CPQ: variants seen among roughly 807,000 people sequenced by gnomAD.
CPQ encodes the protein carboxypeptidase Q.
Under a neutral mutation model 45.7 loss-of-function variants are expected in CPQ, and 37 were observed. That is an observed-to-expected ratio of 0.81 (90% CI 0.62 to 1.07). The LOEUF is 1.07. Among genes scored for constraint, CPQ ranks in the 50% least tolerant of loss-of-function variants. The probability of loss-of-function intolerance (pLI) is 0.00; values close to 1 mark genes in which losing one functional copy is unlikely to be tolerated. For missense variants in CPQ, 537 were observed against 572.9 expected (o/e 0.94, Z 0.64); for synonymous variants, 186 against 205.8 (o/e 0.90, Z 0.82).
At chr8:96,684,340 G>C (rs910645447) in intron 1 of CPQ, among the ~76,000 whole-genome samples, 2 of 152,232 alleles carry the variant, frequency 1.3e-5, no homozygotes, top group Non-Finnish European at 2.9e-5. Flanking sequence ...CAGTGGCTTA[G>C]ACTGCAGTTG....
At chr8:96,747,968 A>C (rs1409369402) in intron 1 of CPQ, among the ~76,000 whole-genome samples, 1 of 152,226 alleles carries the variant, frequency 6.6e-6, no homozygotes, top group Non-Finnish European at 1.5e-5. Flanking sequence ...ACAGACAGCA[A>C]TTACGGATTT....
At chr8:96,753,412 C>G (rs1282268360) in intron 1 of CPQ, among the ~76,000 whole-genome samples, 3 of 152,184 alleles carry the variant, frequency 2.0e-5, no homozygotes, top group African/African-American at 7.2e-5. Context: ...CAATGCTTGA[C>G]ATTATATCAA....
Position 97,023,261 on chromosome 8 carries a change from G to A in CPQ, c.962-6142G>A, listed in dbSNP as rs1809741970. 2.0e-5 allele frequency among the ~76,000 whole-genome samples: 3 copies of A among 151,842 alleles called. 1 individual carries two copies. The South Asian group carries it at 6.2e-4, about 32-fold the overall frequency. The stretch of plus-strand genomic sequence containing the variant: ...ACATTGTATGTTCTCACTCATATGT[G>A]GGAGCCAAGCTATGAGGATGCAAAG... On this transcript the variant is annotated intron_variant, in intron 5 of 7. Coordinates refer to ENST00000220763, the MANE Select transcript of CPQ (RefSeq NM_016134.4).
chr8:96,752,756 C>T (rs114739801), intron 1 of CPQ, among the ~76,000 whole-genome samples: 1,699 of 152,142 alleles, frequency 0.011, 40 homozygotes, highest in African/African-American at 0.037. Context: ...GTGATATTGC[C>T]TGTGGGTTTG....
At chr8:96,761,562 G>C (rs894879053) in intron 1 of CPQ, 1 of 152,216 alleles carries the variant, frequency 6.6e-6, no homozygotes, top group African/African-American at 2.4e-5. Context: ...CTTACTGAGA[G>C]AGGTGGACTA....
intron 5 of CPQ, among the ~76,000 whole-genome samples, chr8:97,028,830 T>C (rs1809845740): frequency 6.6e-6 from 1 of 152,198 alleles, no homozygotes; most frequent in African/African-American, 2.4e-5. Context: ...TCATTGACCT[T>C]AAGGAAATGA....
chr8:97,021,725 A>T lies in CPQ; in HGVS notation c.962-7678A>T, dbSNP rs1197257192. ...AAGAAATCATAGACAACGCAAACAA[A>T]TGGAAACACATCCCATGCTTGTGAA... On this transcript the variant is annotated intron_variant, in intron 5 of 7. Coordinates refer to ENST00000220763, the MANE Select transcript of CPQ (RefSeq NM_016134.4). Among the ~76,000 whole-genome samples the T allele has an allele frequency of 3.3e-5, 5 of 152,248 alleles. No individual in the cohort carries two copies. The East Asian group carries it at 9.6e-4, about 29-fold the overall frequency.
At chr8:96,770,247 A>G (rs554363454) in intron 1 of CPQ, among the ~76,000 whole-genome samples, 1 of 152,170 alleles carries the variant, frequency 6.6e-6, no homozygotes, top group South Asian at 2.1e-4. Context: ...TCACCTCCAC[A>G]CTTTCTCATC....
At chr8:97,040,296 T>C (rs1218672894) in intron 6 of CPQ, among the ~76,000 whole-genome samples, 6 of 152,238 alleles carry the variant, frequency 3.9e-5, no homozygotes, top group African/African-American at 1.4e-4. Context: ...GAGAAGTGTC[T>C]GTTCATGTCC....
intron 2 of CPQ, among the ~76,000 whole-genome samples, chr8:96,814,254 C>A (rs946128219): frequency 6.6e-6 from 1 of 151,984 alleles, no homozygotes; most frequent in Non-Finnish European, 1.5e-5. Context: ...CAATGGAATA[C>A]AAAATCACAG....
intron 5 of CPQ, among the ~76,000 whole-genome samples, chr8:97,023,368 G>C (rs1453675800): frequency 6.6e-6 from 1 of 151,962 alleles, no homozygotes; most frequent in African/African-American, 2.4e-5. Flanking sequence ...CACAAATTGG[G>C]TGCAGTGTAT....
At chr8:96,860,101 T>C (rs568194518) in intron 3 of CPQ, among the ~76,000 whole-genome samples, 1 of 152,244 alleles carries the variant, frequency 6.6e-6, no homozygotes, top group Admixed American at 6.5e-5. Flanking sequence ...TGAACTCTTT[T>C]AGAGACTCTG....
At chr8:96,982,168 AGTGGTT>A (rs1313977715) in intron 5 of CPQ, among the ~76,000 whole-genome samples, 3 of 152,236 alleles carry the variant, frequency 2.0e-5, no homozygotes, top group African/African-American at 7.2e-5. Flanking sequence ...CAATGTTCAT[AGTGGTT>A]GTGATAAGGA....
intron 1 of CPQ, among the ~76,000 whole-genome samples, chr8:96,667,012 GT>G (rs1808933441): frequency 6.6e-6 from 1 of 151,946 alleles, no homozygotes; most frequent in South Asian, 2.1e-4. Context: ...CATATTAGCT[GT>G]TGCCTTTCTA....
intron 7 of CPQ, among the ~76,000 whole-genome samples, chr8:97,078,190 C>T (rs757089892): frequency 2.6e-4 from 40 of 152,166 alleles, no homozygotes; most frequent in Non-Finnish European, 5.3e-4. Flanking sequence ...TTTGACATGA[C>T]CCTCATAGTT....
chr8:96,775,849 C>CA lies in CPQ; in HGVS notation c.-34-9014dup, dbSNP rs370291757. On this transcript the variant is annotated intron_variant, in intron 1 of 7. Transcript: ENST00000220763. ...TGGTGACAAGTAAAAGTGCTCCCCC[C>CA]ACATATTCAAAATGGCCCCTAGGGG... Among the ~76,000 whole-genome samples the CA allele has an allele frequency of 4.8e-3, 730 of 152,270 alleles. 11 individuals carry two copies. The highest frequency in any genetic ancestry group is 0.012 in the African/African-American group (516 of 41,566).
chr8:96,979,993 ATAAT>A (rs534056246), intron 5 of CPQ, among the ~76,000 whole-genome samples: 34 of 152,298 alleles, frequency 2.2e-4, no homozygotes, highest in African/African-American at 8.2e-4. Flanking sequence ...TAATCCTTAA[ATAAT>A]TCAAAATCTC....
intron 4 of CPQ, among the ~76,000 whole-genome samples, chr8:96,940,808 C>G (rs1813115480): frequency 6.6e-6 from 1 of 152,150 alleles, no homozygotes; most frequent in Non-Finnish European, 1.5e-5. Context: ...AGTTAGTCTT[C>G]TTTGGTAATT....
intron 1 of CPQ, among the ~76,000 whole-genome samples, chr8:96,724,856 T>A (rs1809815763): frequency 6.6e-6 from 1 of 152,026 alleles, no homozygotes; most frequent in Non-Finnish European, 1.5e-5. Flanking sequence ...AACTTGTTTA[T>A]ACTATAAGGT....
Sources: allele counts gnomAD v4.1 joint callset (sites outside exome capture counted in the v4.1 genomes callset), GRCh38; gene constraint gnomAD v4.1.1; transcripts MANE v1.5; gene names NCBI Gene and HGNC (gene_info 2026-07-23, HGNC 2026-07-21).